TNIP3: variants seen among roughly 807,000 people sequenced by gnomAD.
TNIP3 encodes TNFAIP3-interacting protein 3.
Under a neutral mutation model 54.1 loss-of-function variants are expected in TNIP3, and 34 were observed. That is an observed-to-expected ratio of 0.63 (90% CI 0.48 to 0.84). The LOEUF (loss-of-function observed/expected upper bound fraction) is 0.84. Ranked by LOEUF, TNIP3 falls within the 40% of genes least tolerant of loss-of-function variation. The pLI is 0.00. For synonymous variants in TNIP3, 134 were observed against 136.8 expected, an observed-to-expected ratio of 0.98 and a Z score of 0.14; for missense variants, 366 against 387.6, an observed-to-expected ratio of 0.94 and a Z score of 0.47.
At chr4:121,135,471 C>T (rs548636190) in intron 10 of TNIP3, among the ~76,000 whole-genome samples, 2 of 152,258 alleles carry the variant, frequency 1.3e-5, no homozygotes, top group African/African-American at 4.8e-5. Context: ...GATCTCACCT[C>T]ACCGCAACCT....
chr4:121,195,366 A>G lies in TNIP3; in HGVS notation c.69-12570T>C, dbSNP rs150298195. Among the ~76,000 whole-genome samples, 203 of 152,364 alleles carry G rather than the reference A, an allele frequency of 1.3e-3. 2 individuals are homozygous for G. Among genetic ancestry groups the G allele is most frequent in the African/African-American group, 4.7e-3 (197 of 41,584 alleles). ...AGTGGTATGAGCCTTGACATCAGAC[A>G]GCATCACATAGATTAAAATGGAATT... On this transcript the variant is annotated intron_variant, in intron 2 of 12. Coordinates refer to the TNIP3 transcript ENST00000507879.
chr4:121,142,765 A>T lies in TNIP3; in HGVS notation c.747T>A (p.Cys249Ter). Residue 249 changes from cysteine (C) to a stop codon, truncating the protein, a stop_gained, in exon 8 of 11, where the codon TGT becomes TGA. Transcript: ENST00000057513. LOFTEE classifies it high-confidence loss of function. ...LNRLNSQIKA[C>*]QMEKEKLEKQ... The stretch of plus-strand genomic sequence containing the variant: ...TTTCTAGTTTTTCTTTCTCCATCTG[A>T]CAAGCTTTTATCTAAAGACAAAACA... The T allele has an allele frequency of 6.2e-7, 1 of 1,612,554 alleles. No individual in the cohort carries two copies. The highest frequency in any genetic ancestry group is 1.7e-4 in the Middle Eastern group (1 of 6,044).
chr4:121,166,386 T>C (rs1730768417), upstream of TNIP3, among the ~76,000 whole-genome samples: 1 of 152,244 alleles, frequency 6.6e-6, no homozygotes, highest in African/African-American at 2.4e-5. Flanking sequence ...TCTTTTCTGT[T>C]ACATATGCTC....
chr4:121,143,287 C>A (rs932517776), intron 7 of TNIP3, among the ~76,000 whole-genome samples: 1 of 152,148 alleles, frequency 6.6e-6, no homozygotes, highest in East Asian at 1.9e-4. Flanking sequence ...ACTGCTATAT[C>A]CCACAGCTTC....
At chr4:121,198,034 T>C (rs1725694372) in intron 2 of TNIP3, among the ~76,000 whole-genome samples, 1 of 152,216 alleles carries the variant, frequency 6.6e-6, no homozygotes, top group East Asian at 1.9e-4. Flanking sequence ...CATCATGTTT[T>C]TAAAAATAGA....
In TNIP3 at chr4:121,156,032, C is replaced by T. The variant is rs1432076951; in HGVS notation, c.363+1062G>A. Among the ~76,000 whole-genome samples the T allele has an allele frequency of 5.3e-5, 8 of 152,130 alleles. No homozygotes were observed. In the East Asian group the frequency reaches 1.5e-3, roughly 29 times the overall value. On this transcript the variant is annotated intron_variant, in intron 4 of 10. Coordinates refer to ENST00000057513, the MANE Select transcript of TNIP3 (RefSeq NM_024873.6). ...CAACTGCATTGAGGGAAAAATTACT[C>T]AGATTCCTGGCTAGAGTGTAATTGG...
Position 121,157,203 on chromosome 4 carries a change from A to G in TNIP3, c.254T>C (p.Phe85Ser), listed in dbSNP as rs1462300975. Residue 85 changes from phenylalanine to serine, a missense_variant, in exon 4 of 11, where the codon TTC (phenylalanine) becomes TCC (serine). By Grantham distance (155) the Phe-to-Ser change is radical. Transcript: ENST00000057513. ...CGGATCCTTCTCCCGCGTGCTGAGG[A>G]ATCTTTCCGCGGCGTCCAGTTTCGT... The part of the protein sequence containing the change: ...LKTKLDAAER[F>S]LSTREKDPHQ... 1.4e-5 allele frequency: 22 copies of G among 1,613,872 alleles called. No homozygotes were observed. Among genetic ancestry groups the G allele is most frequent in the Non-Finnish European group, 1.9e-5 (22 of 1,180,010 alleles).
intron 10 of TNIP3, among the ~76,000 whole-genome samples, chr4:121,136,085 A>G (rs1051908141): frequency 1.3e-5 from 2 of 152,192 alleles, no homozygotes; most frequent in Non-Finnish European, 2.9e-5. Flanking sequence ...ATAGGTTTCA[A>G]ATGACAACAT....
chr4:121,167,015 T>C (rs188717643), upstream of TNIP3, among the ~76,000 whole-genome samples: 3 of 152,270 alleles, frequency 2.0e-5, no homozygotes, highest in East Asian at 5.8e-4. Context: ...GGGATAGTAA[T>C]AGTATCCTTC....
In TNIP3 at chr4:121,197,416, T is replaced by C. The variant is rs576363859; in HGVS notation, c.69-14620A>G. 4.0e-5 allele frequency among the ~76,000 whole-genome samples: 6 copies of C among 151,420 alleles called. No individual in the cohort carries two copies. The East Asian group carries it at 7.8e-4, about 20-fold the overall frequency. On this transcript the variant is annotated intron_variant, in intron 2 of 12. Coordinates refer to the TNIP3 transcript ENST00000507879. ...GGTGGCGGGTGCCTGTAGTCCCAGC[T>C]ACTTGGGAGGCTGAGGCAGGGGAAT... is the stretch of plus-strand genomic sequence containing the variant.
intron 3 of TNIP3, among the ~76,000 whole-genome samples, chr4:121,172,979 C>T (rs60572544): frequency 0.024 from 3,701 of 152,204 alleles, 174 homozygotes; most frequent in African/African-American, 0.084. Context: ...ATAACAGCCC[C>T]GTAAGAAGAG....
chr4:121,133,426 T>C (rs1435273708), intron 10 of TNIP3, among the ~76,000 whole-genome samples: 1 of 152,218 alleles, frequency 6.6e-6, no homozygotes, highest in Non-Finnish European at 1.5e-5. Flanking sequence ...GTGGTCACTA[T>C]GTTAAAAAGG....
At chr4:121,193,754 A>C (rs1423303048) in intron 2 of TNIP3, among the ~76,000 whole-genome samples, 1 of 152,170 alleles carries the variant, frequency 6.6e-6, no homozygotes, top group East Asian at 1.9e-4. Flanking sequence ...TCAAGGTTAA[A>C]ATCACCTGTA....
intron 2 of TNIP3, among the ~76,000 whole-genome samples, chr4:121,185,190 C>T (rs1462770293): frequency 6.6e-6 from 1 of 152,162 alleles, no homozygotes; most frequent in Admixed American, 6.5e-5. Context: ...CTAATCTCAC[C>T]TTCTACTCTC....
intron 1 of TNIP3, among the ~76,000 whole-genome samples, chr4:121,226,273 AAG>A: frequency 6.6e-6 from 1 of 152,186 alleles, no homozygotes; most frequent in East Asian, 1.9e-4. Flanking sequence ...GGCACAAAGA[AAG>A]AGAGACAGAG....
At chr4:121,205,980 G>C (rs574474886) in intron 2 of TNIP3, among the ~76,000 whole-genome samples, 1 of 152,192 alleles carries the variant, frequency 6.6e-6, no homozygotes, top group African/African-American at 2.4e-5. Flanking sequence ...GAGAAGTGCC[G>C]AGTAAAGGGG....
intron 10 of TNIP3, among the ~76,000 whole-genome samples, chr4:121,133,715 G>T (rs6846458): frequency 0.27 from 41,661 of 152,034 alleles, 6,522 homozygotes; most frequent in African/African-American, 0.42. Context: ...AGGTCTTTAG[G>T]TTCTTGAAGG....
intron 2 of TNIP3, among the ~76,000 whole-genome samples, chr4:121,185,000 C>T (rs1724932314): frequency 6.6e-6 from 1 of 152,178 alleles, no homozygotes; most frequent in South Asian, 2.1e-4. Context: ...GCTCTTGAGG[C>T]AGCTTTCGGA....
chr4:121,156,187 A>T (rs938924081), intron 4 of TNIP3, among the ~76,000 whole-genome samples: 1 of 152,216 alleles, frequency 6.6e-6, no homozygotes, highest in African/African-American at 2.4e-5. Context: ...AATTTCAGAC[A>T]TTGCCTTAAG....
Sources: gnomAD v4.1 joint callset for allele counts (sites outside exome capture counted in the v4.1 genomes callset) on GRCh38, gnomAD v4.1.1 for gene constraint, MANE v1.5 for transcripts, NCBI Gene and HGNC (gene_info 2026-07-23, HGNC 2026-07-21) for gene names.